Variants in SHISA9 observed in about 807,000 individuals in gnomAD.
SHISA9 encodes the protein shisa family member 9, also known as protein shisa-9.
Under a neutral mutation model 38.0 loss-of-function variants are expected in SHISA9, and 13 were observed. The ratio of observed to expected loss-of-function variants is 0.34; its 90% CI spans 0.22 to 0.54. SHISA9 has a LOEUF of 0.54. Among genes scored for constraint, SHISA9 ranks in the 20% least tolerant of loss-of-function variants. SHISA9 has a pLI of 0.91. For missense variants in SHISA9, 538 were observed against 575.8 expected, an observed-to-expected ratio of 0.93 and a Z score of 0.67; for synonymous variants, 275 against 242.0, an observed-to-expected ratio of 1.14 and a Z score of -1.27.
At chr16:13,497,483 A>G in the SHISA9 span, among the ~76,000 whole-genome samples, 146 of 152,238 alleles carry the variant, frequency 9.6e-4, no homozygotes, top group African/African-American at 3.3e-3. Context: ...CAGGAGTTTG[A>G]GACCAGCCTG....
At chr16:13,457,340 G>GT in the SHISA9 span, among the ~76,000 whole-genome samples, 2 of 152,010 alleles carry the variant, frequency 1.3e-5, no homozygotes, top group Admixed American at 6.5e-5. Flanking sequence ...GGTGAGTTCT[G>GT]TGAGTCCTAG....
At chr16:13,175,223 AAAAAG>A (rs2050721574) in intron 2 of SHISA9, among the ~76,000 whole-genome samples, 1 of 152,080 alleles carries the variant, frequency 6.6e-6, no homozygotes, top group East Asian at 1.9e-4. Context: ...AGAAAGAAAA[AAAAAG>A]AAAAGAAAAA....
rs1348165757 is a variant in SHISA9, at chr16:12,959,250, C to T, written c.691+42435C>T. 4.6e-5 allele frequency among the ~76,000 whole-genome samples: 7 copies of T among 152,184 alleles called. No homozygotes were observed. In the East Asian group the frequency reaches 1.3e-3, roughly 29 times the overall value. On this transcript the variant is annotated intron_variant, in intron 2 of 4. Transcript: ENST00000558583. ...TGATTCCAAAAAAAGGAATGGAATG[C>T]AAGACTAGAGGCATTGGATATATGT...
chr16:13,142,988 C>CATTTTATTTTATTTTATTTTATTTT (rs2050414378), intron 2 of SHISA9, among the ~76,000 whole-genome samples: 20 of 52,244 alleles, frequency 3.8e-4, no homozygotes, highest in African/African-American at 1.9e-3. Context: ...GTAGCTGTTT[C>CATTTTATTTTATTTTATTTTATTTT]CTTTTATTTT....
intron 2 of SHISA9, among the ~76,000 whole-genome samples, chr16:12,990,248 G>A (rs550589321): frequency 4.1e-4 from 63 of 152,238 alleles, no homozygotes; most frequent in African/African-American, 1.4e-3. Context: ...GAACATACAT[G>A]TGCATCTATC....
At chr16:13,485,507 A>G in the SHISA9 span, among the ~76,000 whole-genome samples, 1 of 152,094 alleles carries the variant, frequency 6.6e-6, no homozygotes, top group Non-Finnish European at 1.5e-5. Context: ...ATATATAACA[A>G]TTGTACATAT....
At chr16:12,974,590 A>C (rs1238668476) in intron 2 of SHISA9, among the ~76,000 whole-genome samples, 1 of 143,546 alleles carries the variant, frequency 7.0e-6, no homozygotes, top group African/African-American at 2.6e-5. Context: ...GGTTCAAGCG[A>C]TTCTCCTGCC....
intron 2 of SHISA9, among the ~76,000 whole-genome samples, chr16:12,968,603 G>GT (rs1297241701): frequency 2.0e-5 from 3 of 152,298 alleles, no homozygotes; most frequent in Non-Finnish European, 1.5e-5. Flanking sequence ...AGCTACAACT[G>GT]TATGTGTGAA....
intron 2 of SHISA9, among the ~76,000 whole-genome samples, chr16:13,164,412 A>T (rs181526553): frequency 6.6e-6 from 1 of 152,004 alleles, no homozygotes; most frequent in Non-Finnish European, 1.5e-5. Flanking sequence ...TTTTTAACCT[A>T]TGTTTTTGAT....
the SHISA9 span, among the ~76,000 whole-genome samples, chr16:13,435,329 A>T: frequency 6.6e-6 from 1 of 152,196 alleles, no homozygotes; most frequent in African/African-American, 2.4e-5. Context: ...CCCCACAAGG[A>T]ATCTGAAATG....
chr16:13,113,633 G>A (rs1004828190), intron 2 of SHISA9, among the ~76,000 whole-genome samples: 2 of 152,184 alleles, frequency 1.3e-5, no homozygotes, highest in African/African-American at 4.8e-5. Context: ...AATTTGGGCA[G>A]GGAGGTCAGA....
At chr16:13,190,907 G>GT (rs1341287852) in intron 2 of SHISA9, among the ~76,000 whole-genome samples, 1 of 151,448 alleles carries the variant, frequency 6.6e-6, no homozygotes, top group Admixed American at 6.6e-5. Flanking sequence ...GATTATATAT[G>GT]TGTTTTTTTT....
intron 3 of SHISA9, among the ~76,000 whole-genome samples, chr16:13,212,696 A>G (rs981283898): frequency 4.6e-5 from 7 of 152,310 alleles, no homozygotes; most frequent in African/African-American, 1.7e-4. Context: ...CAAACACAGA[A>G]TGTGTGTTAG....
chr16:13,275,976 G>A, the SHISA9 span, among the ~76,000 whole-genome samples: 3 of 151,810 alleles, frequency 2.0e-5, no homozygotes, highest in East Asian at 3.9e-4. Flanking sequence ...ATTTGGTTAC[G>A]TGAGTAAGTT....
intron 2 of SHISA9, among the ~76,000 whole-genome samples, chr16:13,160,466 A>G (rs541652438): frequency 5.3e-5 from 8 of 152,318 alleles, no homozygotes; most frequent in Admixed American, 2.0e-4. Context: ...ATCACACTGC[A>G]TAGGTGGCCC....
At chr16:13,219,732 A>G (rs781130358) in intron 4 of SHISA9, among the ~76,000 whole-genome samples, 2 of 152,138 alleles carry the variant, frequency 1.3e-5, no homozygotes, top group Non-Finnish European at 2.9e-5. Flanking sequence ...CGAGGTGGGC[A>G]GATCACCTGA....
the SHISA9 span, among the ~76,000 whole-genome samples, chr16:13,402,004 T>G: frequency 6.6e-6 from 1 of 152,168 alleles, no homozygotes; most frequent in Non-Finnish European, 1.5e-5. Context: ...ATTACTCAAT[T>G]ACCTCCCATC....
At chr16:13,561,325 A>T in the SHISA9 span, among the ~76,000 whole-genome samples, 11 of 152,134 alleles carry the variant, frequency 7.2e-5, no homozygotes, top group Admixed American at 7.2e-4. Context: ...GGCACTCTGC[A>T]TTTCTTACAT....
chr16:13,306,647 C>G, the SHISA9 span, among the ~76,000 whole-genome samples: 1 of 152,156 alleles, frequency 6.6e-6, no homozygotes, highest in Non-Finnish European at 1.5e-5. Context: ...TGGCTATTGG[C>G]TGAAGGTCTC....
Sources: allele counts gnomAD v4.1 joint callset (sites outside exome capture counted in the v4.1 genomes callset), GRCh38; gene constraint gnomAD v4.1.1; transcripts MANE v1.5; gene names NCBI Gene and HGNC (gene_info 2026-07-23, HGNC 2026-07-21).